The following FUT5 variants were observed in gnomAD, a reference collection of about 807,000 sequenced individuals.
FUT5 encodes 4-galactosyl-N-acetylglucosaminide 3-alpha-L-fucosyltransferase FUT5.
In FUT5, 1 loss-of-function variant was observed where a neutral mutation model predicts 0.8. That is an observed-to-expected ratio of 1.26 (90% CI 0.45 to 5.99). The LOEUF (loss-of-function observed/expected upper bound fraction) is 5.99. Ranked by LOEUF, FUT5 falls within the 30% of genes most tolerant of loss-of-function variation. The pLI, the probability that FUT5 is intolerant of heterozygous loss-of-function variation, is 0.15. For missense variants in FUT5, 437 were observed against 517.8 expected, an observed-to-expected ratio of 0.84 and a Z score of 1.51; for synonymous variants, 212 against 225.7, an observed-to-expected ratio of 0.94 and a Z score of 0.54.
chr19:5,867,714 C>T lies in FUT5; in HGVS notation c.12G>A (p.Leu4=), dbSNP rs1170869493. Residue 4 remains leucine (L), a synonymous_variant, in exon 2 of 2, where the codon CTG becomes CTA. Coordinates refer to ENST00000588525, the MANE Select transcript of FUT5 (RefSeq NM_002034.2). The surrounding 1 kb of genome is among the most constrained non-coding windows in gnomAD (Gnocchi z 5.0). ...ACAGCCACTGTGGCTTGGCTGGGCC[C>T]AGGGGATCCATGGGTCAGAGTAGCT... MDP[L]GPAKPQWLWR... 6.2e-7 allele frequency: 1 copy of T among 1,613,202 alleles called. No homozygotes were observed. Among genetic ancestry groups the T allele is most frequent in the Non-Finnish European group, 8.5e-7 (1 of 1,180,014 alleles).
intron 1 of FUT5, among the ~76,000 whole-genome samples, chr19:5,869,278 CTTTTTTTTTT>C (rs780424110): frequency 7.9e-6 from 1 of 125,998 alleles, no homozygotes; most frequent in East Asian, 2.2e-4. Flanking sequence ...CATGCCCAGC[CTTTTTTTTTT>C]TTTTTTTTTT....
chr19:5,867,628 TAGG>T lies in FUT5; in HGVS notation c.95_97del (p.Ser32del), dbSNP rs1324256356. On this transcript the variant is annotated inframe_deletion, in exon 2 of 2. Transcript: ENST00000588525. This position sits in a 1 kb window ranked among gnomAD's most constrained non-coding sequence, Gnocchi z 5.0. ...GGCATCGTCTCGGGACACACGCAGG[TAGG>T]AGAAGAAACACACAGCCACCAGCAG... is the stretch of plus-strand genomic sequence containing the variant. 1.9e-6 allele frequency: 3 copies of T among 1,613,186 alleles called. No individual in the cohort carries two copies. The highest frequency in any genetic ancestry group is 1.3e-5 in the African/African-American group (1 of 74,836).
chr19:5,869,852 C>G (rs2057517319), intron 1 of FUT5, among the ~76,000 whole-genome samples: 1 of 151,896 alleles, frequency 6.6e-6, no homozygotes, highest in Non-Finnish European at 1.5e-5. Flanking sequence ...GGTGGATCAC[C>G]TGAGGTCAGG....
chr19:5,869,219 T>G (rs1432723619), intron 1 of FUT5, among the ~76,000 whole-genome samples: 1 of 149,936 alleles, frequency 6.7e-6, no homozygotes, highest in African/African-American at 2.5e-5. Context: ...GACCTCGTGA[T>G]CCGCCTGCCT....
chr19:5,867,358 T>C lies in FUT5; in HGVS notation c.368A>G (p.His123Arg). ...ACTGGGGTTGTACATGATATCCCAGTGGTGCACGATGACCGCGTCTGCCTG... is the reference window on the plus strand; with the variant it reads ...ACTGGGGTTGTACATGATATCCCAGCGGTGCACGATGACCGCGTCTGCCTG... ...YPQADAVIVH[H>R]WDIMYNPSAN... The change falls in exon 2 of 2, where the codon CAC becomes CGC. Residue 123 changes from histidine to arginine, a missense_variant. Physicochemically the swap from His to Arg is conservative, Grantham distance 29. Coordinates refer to ENST00000588525, the MANE Select transcript of FUT5 (RefSeq NM_002034.2). This position sits in a 1 kb window ranked among gnomAD's most constrained non-coding sequence, Gnocchi z 5.0. 1 of 1,613,900 alleles carries C rather than the reference T, an allele frequency of 6.2e-7. No homozygotes were observed. Among genetic ancestry groups the C allele is most frequent in the Non-Finnish European group, 8.5e-7 (1 of 1,180,012 alleles).
chr19:5,867,841 T>A lies in FUT5; in HGVS notation c.-12-104A>T. On this transcript the variant is annotated intron_variant, in intron 1 of 1. Coordinates refer to ENST00000588525, the MANE Select transcript of FUT5 (RefSeq NM_002034.2). This position sits in a 1 kb window ranked among gnomAD's most constrained non-coding sequence, Gnocchi z 5.0. ...TTATAATTTATGACACAGCTTGTCA[T>A]AAATGCCCCCAGTACCCCTGAGTTG... 1 of 1,239,160 alleles carries A rather than the reference T, an allele frequency of 8.1e-7. No individual in the cohort carries two copies. The highest frequency in any genetic ancestry group is 1.3e-5 in the South Asian group (1 of 79,164). The allele number at this position is 1,239,160 out of a possible 1,614,324, so 76.8% of individuals were successfully genotyped here.
Position 5,867,283 on chromosome 19 carries a change from A to G in FUT5, c.443T>C (p.Phe148Ser). The change falls in exon 2 of 2, where the codon TTC (phenylalanine) becomes TCC (serine). Residue 148 changes from phenylalanine (F) to serine (S), a missense_variant. By Grantham distance (155) the Phe-to-Ser change is radical. Around this residue, in one of 2 missense-constraint regions of FUT5, gnomAD observed 261 missense variants for 242.6 expected, o/e 1.08. Coordinates refer to ENST00000588525, the MANE Select transcript of FUT5 (RefSeq NM_002034.2). This position sits in a 1 kb window ranked among gnomAD's most constrained non-coding sequence, Gnocchi z 5.0. ...GCAGTTGCTGGGGGACTCCATGCTG[A>G]ACCAGATCCAGCGCTGCCCCTGCGG... ...TRPQGQRWIW[F>S]SMESPSNCRH... The G allele has an allele frequency of 1.9e-6, 3 of 1,613,432 alleles. No individual in the cohort carries two copies. Among genetic ancestry groups the G allele is most frequent in the South Asian group, 1.1e-5 (1 of 91,088 alleles).
chr19:5,866,976 C>A lies in FUT5; in HGVS notation c.750G>T (p.Thr250=), dbSNP rs752413777. ...KPLPKGTMME[T]LSRYKFYLAF... ...CCAGATAGAACTTGTACCGGGACAGCGTCTCCATCATGGTCCCCTTGGGCA... is the reference window on the plus strand; with the variant it reads ...CCAGATAGAACTTGTACCGGGACAGAGTCTCCATCATGGTCCCCTTGGGCA... The change falls in exon 2 of 2, where the codon ACG becomes ACT. Residue 250 remains threonine, a synonymous_variant. Transcript: ENST00000588525. The surrounding 1 kb of genome is among the most constrained non-coding windows in gnomAD (Gnocchi z 4.9). The A allele has an allele frequency of 1.5e-5, 24 of 1,613,498 alleles. No individual in the cohort carries two copies. The South Asian group carries it at 2.3e-4, about 16-fold the overall frequency.
chr19:5,866,718 C>T lies in FUT5; in HGVS notation c.1008G>A (p.Arg336=), dbSNP rs1490583292. The T allele has an allele frequency of 5.6e-6, 9 of 1,608,556 alleles. No individual in the cohort carries two copies. The highest frequency in any genetic ancestry group is 1.7e-5 in the Admixed American group (1 of 59,412). ...TGAAGGAGCGAGGCCGCAGCGTCTCCCGCCAGTGAAAGTAGCTCAGGTAGC... is the reference window on the plus strand; with the variant it reads ...TGAAGGAGCGAGGCCGCAGCGTCTCTCGCCAGTGAAAGTAGCTCAGGTAGC... ...HARYLSYFHW[R]ETLRPRSFSW... The change falls in exon 2 of 2, where the codon CGG becomes CGA. Residue 336 remains arginine, a synonymous_variant. Coordinates refer to ENST00000588525, the MANE Select transcript of FUT5 (RefSeq NM_002034.2). The surrounding 1 kb of genome is among the most constrained non-coding windows in gnomAD (Gnocchi z 4.9).
Position 5,866,518 on chromosome 19 carries a change from T to C in FUT5, c.*83A>G. 1 of 1,606,848 alleles carries C rather than the reference T, an allele frequency of 6.2e-7. No homozygotes were observed. The highest frequency in any genetic ancestry group is 1.1e-5 in the South Asian group (1 of 90,762). Reference sequence around the variant, plus strand: ...CCAGGCAGCCGAGGCCCCAGGTAGGTAAATCCCCCGACTAGTGAGACCCTA... The same window carrying C: ...CCAGGCAGCCGAGGCCCCAGGTAGGCAAATCCCCCGACTAGTGAGACCCTA... On this transcript the variant is annotated 3_prime_UTR_variant, in exon 2 of 2. Coordinates refer to ENST00000588525, the MANE Select transcript of FUT5 (RefSeq NM_002034.2). The surrounding 1 kb of genome is among the most constrained non-coding windows in gnomAD (Gnocchi z 4.9).
In FUT5 at chr19:5,867,682, C is replaced by T. The variant is rs748322600; in HGVS notation, c.44G>A (p.Arg15His). ...CTGAAACAGCAGCCCGGCCAGACAGCGGCGCCACAGCCACTGTGGCTTGGC... is the reference window on the plus strand; with the variant it reads ...CTGAAACAGCAGCCCGGCCAGACAGTGGCGCCACAGCCACTGTGGCTTGGC... ...GPAKPQWLWR[R>H]CLAGLLFQLL... The change falls in exon 2 of 2, where the codon CGC becomes CAC. Residue 15 changes from arginine to histidine, a missense_variant. Around this residue, in one of 2 missense-constraint regions of FUT5, gnomAD observed 261 missense variants for 242.6 expected, o/e 1.08. Coordinates refer to ENST00000588525, the MANE Select transcript of FUT5 (RefSeq NM_002034.2). The surrounding 1 kb of genome is among the most constrained non-coding windows in gnomAD (Gnocchi z 5.0). The T allele has an allele frequency of 1.5e-5, 25 of 1,613,012 alleles. No homozygotes were observed. Among genetic ancestry groups the T allele is most frequent in the East Asian group, 6.7e-5 (3 of 44,892 alleles).
chr19:5,867,489 C>A lies in FUT5; in HGVS notation c.237G>T (p.Leu79=), dbSNP rs776850558. Residue 79 remains leucine, a synonymous_variant, in exon 2 of 2, where the codon CTG becomes CTT. Transcript: ENST00000588525. This position sits in a 1 kb window ranked among gnomAD's most constrained non-coding sequence, Gnocchi z 5.0. ...ATPAHPTLLI[L]LWTWPFNTPV... ...GTGTGTTAAAAGGCCACGTCCACAG[C>A]AGGATCAGTAGGGTGGGGTGGGCAG... 53 of 1,609,390 alleles carry A rather than the reference C, an allele frequency of 3.3e-5. No individual in the cohort carries two copies. In the East Asian group the frequency reaches 1.1e-3, roughly 33 times the overall value.
rs374990298 is a variant in FUT5 at position 5,867,100 on chromosome 19, G to A, written c.626C>T (p.Ala209Val). 42 of 1,613,390 alleles carry A rather than the reference G, an allele frequency of 2.6e-5. No homozygotes were observed. Among genetic ancestry groups the A allele is most frequent in the Non-Finnish European group, 3.3e-5 (39 of 1,179,930 alleles). The change falls in exon 2 of 2, where the codon GCG (alanine) becomes GTG (valine). Residue 209 changes from alanine (A) to valine (V), a missense_variant. By Grantham distance (64) the Ala-to-Val change is moderately conservative. Transcript: ENST00000588525. The surrounding 1 kb of genome is among the most constrained non-coding windows in gnomAD (Gnocchi z 5.0). Reference sequence around the variant, plus strand: ...CGAGTCCGGCTTCCAGTTGGACACCGCCCAGGCCACCAGCTCGGTCTTGGC... The same window carrying A: ...CGAGTCCGGCTTCCAGTTGGACACCACCCAGGCCACCAGCTCGGTCTTGGC... ...LSAKTELVAW[A>V]VSNWKPDSAR...
Position 5,869,313 on chromosome 19 carries a change from G to C in FUT5, c.-13+1152C>G, listed in dbSNP as rs967681597. Among the ~76,000 whole-genome samples, 47 of 96,806 alleles carry C rather than the reference G, an allele frequency of 4.9e-4. 1 individual carries two copies. The highest frequency in any genetic ancestry group is 1.8e-3 in the African/African-American group (45 of 24,618). 63.5% of individuals were successfully genotyped at this position (96,806 alleles called of 152,430 possible). A position where few individuals can be genotyped will look rare whatever the true frequency, so the allele number is the denominator to read the frequency against. On this transcript the variant is annotated intron_variant, in intron 1 of 1. Coordinates refer to ENST00000588525, the MANE Select transcript of FUT5 (RefSeq NM_002034.2). Reference sequence around the variant, plus strand: ...TTTTTTTTTTTTTAAATTTACTTTTGAGACTTGGCTCACTGCAACCTCTGC... The same window carrying C: ...TTTTTTTTTTTTTAAATTTACTTTTCAGACTTGGCTCACTGCAACCTCTGC...
chr19:5,867,870 A>C lies in FUT5; in HGVS notation c.-12-133T>G. The C allele has an allele frequency of 1.0e-6, 1 of 952,598 alleles. No individual in the cohort carries two copies. Among genetic ancestry groups the C allele is most frequent in the Non-Finnish European group, 1.6e-6 (1 of 616,056 alleles). The allele number at this position is 952,598 out of a possible 1,614,324, so 59.0% of individuals were successfully genotyped here. On this transcript the variant is annotated intron_variant, in intron 1 of 1. Coordinates refer to ENST00000588525, the MANE Select transcript of FUT5 (RefSeq NM_002034.2). This position sits in a 1 kb window ranked among gnomAD's most constrained non-coding sequence, Gnocchi z 5.0. Reference sequence around the variant, plus strand: ...TGCCCCCAGTACCCCTGAGTTGAGGATTGAATTTATAACTCTGACAGGGAA... The same window carrying C: ...TGCCCCCAGTACCCCTGAGTTGAGGCTTGAATTTATAACTCTGACAGGGAA...
Position 5,867,385 on chromosome 19 carries a change from G to A in FUT5, c.341C>T (p.Pro114Leu). 6.2e-7 allele frequency: 1 copy of A among 1,613,966 alleles called. No homozygotes were observed. The highest frequency in any genetic ancestry group is 1.6e-4 in the Middle Eastern group (1 of 6,062). Reference protein sequence around the residue: ...CNITADSSVYPQADAVIVHHW... With the variant: ...CNITADSSVYLQADAVIVHHW... ...GTGCACGATGACCGCGTCTGCCTGT[G>A]GGTACACACTGGAGTCGGCAGTGAT... The change falls in exon 2 of 2, where the codon CCA becomes CTA. Residue 114 changes from proline to leucine, a missense_variant. By Grantham distance (98) the Pro-to-Leu change is moderately conservative. Around this residue, in one of 2 missense-constraint regions of FUT5, gnomAD observed 261 missense variants for 242.6 expected, o/e 1.08. Coordinates refer to ENST00000588525, the MANE Select transcript of FUT5 (RefSeq NM_002034.2). The surrounding 1 kb of genome is among the most constrained non-coding windows in gnomAD (Gnocchi z 5.0).
At chr19:5,868,970 G>A (rs1011512785) in intron 1 of FUT5, among the ~76,000 whole-genome samples, 1 of 151,846 alleles carries the variant, frequency 6.6e-6, no homozygotes, top group East Asian at 1.9e-4. Context: ...ACAGGCAAGC[G>A]CCACCATGCC....
chr19:5,866,168 C>A lies in FUT5; in HGVS notation c.*433G>T. On this transcript the variant is annotated 3_prime_UTR_variant, in exon 2 of 2. Coordinates refer to ENST00000588525, the MANE Select transcript of FUT5 (RefSeq NM_002034.2). The surrounding 1 kb of genome is among the most constrained non-coding windows in gnomAD (Gnocchi z 4.9). ...CCCTTCCCTGACCTGCCCTGCACACCTTGGGCAACACATCCAGCTCCCTTG... is the reference window on the plus strand; with the variant it reads ...CCCTTCCCTGACCTGCCCTGCACACATTGGGCAACACATCCAGCTCCCTTG... The A allele has an allele frequency of 2.9e-6, 1 of 343,044 alleles. No homozygotes were observed. Among genetic ancestry groups the A allele is most frequent in the Non-Finnish European group, 5.6e-6 (1 of 177,904 alleles). 21.3% of individuals were successfully genotyped at this position (343,044 alleles called of 1,614,324 possible).
Position 5,867,051 on chromosome 19 carries a change from G to A in FUT5, c.675C>T (p.Ser225=), listed in dbSNP as rs764930343. 3 of 1,613,576 alleles carry A rather than the reference G, an allele frequency of 1.9e-6. No individual in the cohort carries two copies. The highest frequency in any genetic ancestry group is 2.5e-6 in the Non-Finnish European group (3 of 1,179,858). ...PDSARVRYYQ[S]LQAHLKVDVY... is the part of the protein sequence containing the mutation. Reference sequence around the variant, plus strand: ...CGTCCACCTTGAGATGAGCCTGCAGGCTCTGGTAGTAGCGCACCCTGGCCG... The same window carrying A: ...CGTCCACCTTGAGATGAGCCTGCAGACTCTGGTAGTAGCGCACCCTGGCCG... The change falls in exon 2 of 2, where the codon AGC becomes AGT. Residue 225 remains serine, a synonymous_variant. Coordinates refer to ENST00000588525, the MANE Select transcript of FUT5 (RefSeq NM_002034.2). The surrounding 1 kb of genome is among the most constrained non-coding windows in gnomAD (Gnocchi z 5.0).
Sources: allele counts gnomAD v4.1 joint callset (sites outside exome capture counted in the v4.1 genomes callset), GRCh38; gene constraint gnomAD v4.1.1; regional missense constraint gnomAD v4.1.1; non-coding constraint Gnocchi (gnomAD v3.1); transcripts MANE v1.5; gene names NCBI Gene and HGNC (gene_info 2026-07-23, HGNC 2026-07-21).